The following NXPE2 variants were observed in gnomAD, a reference collection of about 807,000 sequenced individuals.
NXPE2 encodes NXPE family member 2.
In NXPE2, 34 loss-of-function variants were observed where a neutral mutation model predicts 34.4. That is an observed-to-expected ratio of 0.99 (90% CI 0.75 to 1.31). The LOEUF is 1.31. Ranked by LOEUF, NXPE2 falls within the 40% of genes most tolerant of loss-of-function variation. NXPE2 has a pLI of 0.00. For missense variants in NXPE2, 649 were observed against 672.5 expected (o/e 0.97, Z 0.39); for synonymous variants, 235 against 231.3 (o/e 1.02, Z -0.15).
chr11:114,658,633 C>T, the NXPE2 span, among the ~76,000 whole-genome samples: 1 of 152,120 alleles, frequency 6.6e-6, no homozygotes, highest in Non-Finnish European at 1.5e-5. Flanking sequence ...ATGAAGATCC[C>T]TGTGGTTGGG....
the NXPE2 span, among the ~76,000 whole-genome samples, chr11:114,797,348 C>T: frequency 6.6e-6 from 1 of 152,162 alleles, no homozygotes; most frequent in Non-Finnish European, 1.5e-5. Flanking sequence ...CAGGAGGTGG[C>T]CTACCGTGTC....
intron 2 of NXPE2, among the ~76,000 whole-genome samples, chr11:114,684,034 G>A (rs909932515): frequency 6.6e-6 from 1 of 152,118 alleles, no homozygotes; most frequent in Non-Finnish European, 1.5e-5. Context: ...CAAAAGATGG[G>A]TTTAGGTATG....
chr11:114,607,102 T>G, the NXPE2 span, among the ~76,000 whole-genome samples: 1 of 151,818 alleles, frequency 6.6e-6, no homozygotes, highest in Admixed American at 6.6e-5. Flanking sequence ...GCCTCGTGAG[T>G]AACCACTGTT....
At chr11:114,713,814 C>T in the NXPE2 span, among the ~76,000 whole-genome samples, 2 of 152,228 alleles carry the variant, frequency 1.3e-5, no homozygotes, top group African/African-American at 4.8e-5. Flanking sequence ...ATAGCTGCTG[C>T]TCTCATAGGA....
chr11:114,639,474 C>G, the NXPE2 span, among the ~76,000 whole-genome samples: 3 of 151,566 alleles, frequency 2.0e-5, no homozygotes, highest in African/African-American at 7.3e-5. Context: ...GCTGCCCCCA[C>G]TGTCCTGTGC....
the NXPE2 span, among the ~76,000 whole-genome samples, chr11:114,503,916 C>T: frequency 6.6e-6 from 1 of 152,226 alleles, no homozygotes; most frequent in Admixed American, 6.5e-5. Context: ...ACTGGCCTCT[C>T]CCATGGCCCC....
the NXPE2 span, among the ~76,000 whole-genome samples, chr11:114,746,900 C>A: frequency 0.48 from 55,578 of 115,238 alleles, 11,001 homozygotes; most frequent in East Asian, 0.65. Flanking sequence ...AAAAAAAAAA[C>A]CCCACAAAGA....
the NXPE2 span, among the ~76,000 whole-genome samples, chr11:114,746,790 G>T: frequency 1.6e-4 from 25 of 151,530 alleles, no homozygotes; most frequent in African/African-American, 5.8e-4. Context: ...TGTGGAGGTT[G>T]CAGCGAGCCA....
At chr11:114,587,872 T>C in the NXPE2 span, among the ~76,000 whole-genome samples, 1 of 152,198 alleles carries the variant, frequency 6.6e-6, no homozygotes, top group African/African-American at 2.4e-5. Flanking sequence ...TCATTTTCTT[T>C]TGCATAAGGG....
the NXPE2 span, among the ~76,000 whole-genome samples, chr11:114,611,743 G>T: frequency 4.6e-5 from 7 of 151,562 alleles, no homozygotes; most frequent in African/African-American, 1.2e-4. Flanking sequence ...TTAGCCAGTT[G>T]ATACTAAGTA....
At chr11:114,650,840 C>T in the NXPE2 span, among the ~76,000 whole-genome samples, 1 of 151,926 alleles carries the variant, frequency 6.6e-6, no homozygotes, top group Admixed American at 6.6e-5. Context: ...ACCCGGAAAA[C>T]AGAGTCTCAC....
the NXPE2 span, among the ~76,000 whole-genome samples, chr11:114,615,220 A>G: frequency 2.0e-5 from 3 of 151,922 alleles, no homozygotes; most frequent in African/African-American, 4.8e-5. Flanking sequence ...GATACTAAGT[A>G]TCGCCTCTTG....
intron 2 of NXPE2, among the ~76,000 whole-genome samples, chr11:114,683,033 A>G (rs1950975560): frequency 6.6e-6 from 1 of 152,106 alleles, no homozygotes; most frequent in Non-Finnish European, 1.5e-5. Context: ...AGAAAATTTC[A>G]TTGTTCTAAC....
chr11:114,649,157 G>A, the NXPE2 span, among the ~76,000 whole-genome samples: 1 of 150,712 alleles, frequency 6.6e-6, no homozygotes, highest in Non-Finnish European at 1.5e-5. Flanking sequence ...CTGGTGGGGT[G>A]ACCCAAACCT....
At chr11:114,574,560 T>C in the NXPE2 span, among the ~76,000 whole-genome samples, 1 of 152,098 alleles carries the variant, frequency 6.6e-6, no homozygotes, top group Non-Finnish European at 1.5e-5. Flanking sequence ...TATTCAAGGC[T>C]ACTGTGAACA....
At chr11:114,476,390 T>A in the NXPE2 span, among the ~76,000 whole-genome samples, 1 of 152,184 alleles carries the variant, frequency 6.6e-6, no homozygotes, top group African/African-American at 2.4e-5. Flanking sequence ...TGTTCCTCTC[T>A]CCACAAATAT....
At chr11:114,810,904 C>T in the NXPE2 span, among the ~76,000 whole-genome samples, 1 of 152,000 alleles carries the variant, frequency 6.6e-6, no homozygotes, top group East Asian at 1.9e-4. Context: ...TTTATAGTGG[C>T]ACTATTCACA....
At chr11:114,536,191 A>T in the NXPE2 span, among the ~76,000 whole-genome samples, 18 of 152,240 alleles carry the variant, frequency 1.2e-4, no homozygotes, top group Non-Finnish European at 1.8e-4. Flanking sequence ...TACTGGGTAC[A>T]TAATGAAATG....
At chr11:114,771,924 C>T in the NXPE2 span, among the ~76,000 whole-genome samples, 9 of 152,242 alleles carry the variant, frequency 5.9e-5, no homozygotes, top group Admixed American at 5.9e-4. Context: ...TGAGTGGCAC[C>T]ACTTTCTCTC....
Sources: allele counts gnomAD v4.1 joint callset (sites outside exome capture counted in the v4.1 genomes callset), GRCh38; gene constraint gnomAD v4.1.1; transcripts MANE v1.5; gene names NCBI Gene and HGNC (gene_info 2026-07-23, HGNC 2026-07-21).